CUX1: variants seen among roughly 807,000 people sequenced by gnomAD.
CUX1 encodes cut like homeobox 1.
Under a neutral mutation model 158.8 loss-of-function variants are expected in CUX1, and 31 were observed. The ratio of observed to expected loss-of-function variants is 0.20; its 90% CI spans 0.15 to 0.26. The LOEUF (loss-of-function observed/expected upper bound fraction) is 0.26. Among genes scored for constraint, CUX1 ranks in the 10% least tolerant of loss-of-function variants. The probability of loss-of-function intolerance (pLI) is 1.00; values close to 1 mark genes in which losing one functional copy is unlikely to be tolerated. For missense variants in CUX1, 1,589 were observed against 2,014.6 expected, an observed-to-expected ratio of 0.79 and a Z score of 4.04; for synonymous variants, 879 against 862.1, an observed-to-expected ratio of 1.02 and a Z score of -0.34.
At chr7:102,152,756 C>T (rs1004190949) in intron 8 of CUX1, among the ~76,000 whole-genome samples, 1 of 152,184 alleles carries the variant, frequency 6.6e-6, no homozygotes, top group African/African-American at 2.4e-5. Flanking sequence ...CCCATTGTCT[C>T]CTCCTGTGGT....
At chr7:101,988,998 AAAAAATAAT>A (rs1290632126) in intron 2 of CUX1, among the ~76,000 whole-genome samples, 228 of 146,188 alleles carry the variant, frequency 1.6e-3, no homozygotes, top group African/African-American at 5.0e-3. Context: ...TGTCTCAAAA[AAAAAATAAT>A]AATAATAATA....
intron 1 of CUX1, among the ~76,000 whole-genome samples, chr7:101,846,867 T>C (rs1388277117): frequency 6.6e-6 from 1 of 152,096 alleles, no homozygotes; most frequent in Admixed American, 6.6e-5. Context: ...GTGGAGTGGC[T>C]CATGCTGTAA....
intron 2 of CUX1, among the ~76,000 whole-genome samples, chr7:101,975,199 C>T (rs1437379502): frequency 2.0e-5 from 3 of 151,674 alleles, no homozygotes; most frequent in Non-Finnish European, 4.4e-5. Context: ...TGCAGTGAGT[C>T]GCGATTGTGC....
rs372353538 is a variant in CUX1 at position 102,056,811 on chromosome 7, C to T, written c.190-13528C>T. On this transcript the variant is annotated intron_variant, in intron 3 of 23. Transcript: ENST00000292535. ...GTCTTGAACTCCTGACCTCGTGATC[C>T]GCCTGCCTCAGCCTCCCAAAGTACT... Among the ~76,000 whole-genome samples the T allele has an allele frequency of 2.2e-4, 34 of 152,218 alleles. No individual in the cohort carries two copies. The East Asian group carries it at 2.3e-3, about 10-fold the overall frequency.
At chr7:102,088,379 T>G (rs2130816766) in intron 4 of CUX1, among the ~76,000 whole-genome samples, 1 of 152,202 alleles carries the variant, frequency 6.6e-6, no homozygotes, top group Non-Finnish European at 1.5e-5. Flanking sequence ...ATGCCTGTAA[T>G]CCCAACACTT....
intron 14 of CUX1, among the ~76,000 whole-genome samples, chr7:102,264,288 G>A (rs1554544659): frequency 6.6e-6 from 1 of 152,232 alleles, no homozygotes; most frequent in East Asian, 1.9e-4. Flanking sequence ...TTACAGGCAT[G>A]AGCCATCGCG....
Position 102,254,510 on chromosome 7 carries a change from G to C in CUX1, c.*5468G>C, listed in dbSNP as rs1457917519. The C allele has an allele frequency of 1.0e-6, 1 of 985,404 alleles. No homozygotes were observed. The highest frequency in any genetic ancestry group is 1.7e-5 in the African/African-American group (1 of 57,256). The allele number at this position is 985,404 out of a possible 1,614,324, so 61.0% of individuals were successfully genotyped here. A position where few individuals can be genotyped will look rare whatever the true frequency, so the allele number is the denominator to read the frequency against. ...ATGCCAGTTCCCATCCAGCACCGAAGAAAATCAGCTCCTGGGGCTGGTGGT... is the reference window on the plus strand; with the variant it reads ...ATGCCAGTTCCCATCCAGCACCGAACAAAATCAGCTCCTGGGGCTGGTGGT... On this transcript the variant is annotated 3_prime_UTR_variant, in exon 24 of 24. Transcript: ENST00000292535.
At chr7:102,118,580 G>A (rs1371615162) in intron 8 of CUX1, among the ~76,000 whole-genome samples, 1 of 152,132 alleles carries the variant, frequency 6.6e-6, no homozygotes, top group Admixed American at 6.5e-5. Context: ...GAATTGGAGA[G>A]GCATGAAGGA....
intron 2 of CUX1, among the ~76,000 whole-genome samples, chr7:101,963,441 G>C (rs901178109): frequency 1.3e-5 from 2 of 152,158 alleles, no homozygotes; most frequent in African/African-American, 2.4e-5. Context: ...AGTTCATCCC[G>C]GATCCAGGCC....
intron 5 of CUX1, among the ~76,000 whole-genome samples, chr7:102,103,492 G>A (rs1205556226): frequency 2.0e-5 from 3 of 151,784 alleles, no homozygotes; most frequent in East Asian, 3.9e-4. Flanking sequence ...GTACAGTGGC[G>A]CAATCATAGC....
At chr7:102,144,032 T>C (rs1834756192) in intron 8 of CUX1, among the ~76,000 whole-genome samples, 2 of 151,956 alleles carry the variant, frequency 1.3e-5, no homozygotes, top group African/African-American at 4.8e-5. Flanking sequence ...TCCACCCACC[T>C]CAGCCTCCCA....
intron 3 of CUX1, among the ~76,000 whole-genome samples, chr7:102,034,354 A>C (rs576432582): frequency 2.0e-5 from 3 of 152,196 alleles, no homozygotes; most frequent in Admixed American, 2.0e-4. Context: ...AAAGATTTTG[A>C]TAAAATTTAA....
chr7:102,267,362 T>A (rs1436591126), intron 14 of CUX1, among the ~76,000 whole-genome samples: 1 of 151,882 alleles, frequency 6.6e-6, no homozygotes, highest in African/African-American at 2.4e-5. Context: ...GACGAAACTC[T>A]GTCTCCACTA....
chr7:102,003,563 T>A (rs149505679), intron 2 of CUX1, among the ~76,000 whole-genome samples: 44 of 152,238 alleles, frequency 2.9e-4, no homozygotes, highest in Non-Finnish European at 5.3e-4. Context: ...TCCTGTACCA[T>A]GTATAGAACT....
chr7:102,148,466 C>T (rs1165624745), intron 8 of CUX1, among the ~76,000 whole-genome samples: 1 of 151,922 alleles, frequency 6.6e-6, no homozygotes, highest in Non-Finnish European at 1.5e-5. Context: ...TCACTTGAAC[C>T]CCGAAGGCAG....
chr7:101,816,782 C>T (rs1791855290), upstream of CUX1: 1 of 155,020 alleles, frequency 6.5e-6, no homozygotes, highest in Non-Finnish European at 1.3e-5. Context: ...CGGCGCGGCC[C>T]GGCTCCGGCC....
At chr7:102,012,902 CA>C (rs1818193111) in intron 2 of CUX1, among the ~76,000 whole-genome samples, 1 of 152,050 alleles carries the variant, frequency 6.6e-6, no homozygotes, top group Non-Finnish European at 1.5e-5. Context: ...AGGAATATAT[CA>C]AAAGCAGTCA....
intron 1 of CUX1, among the ~76,000 whole-genome samples, chr7:101,851,363 G>A (rs890091996): frequency 1.3e-5 from 2 of 151,716 alleles, no homozygotes; most frequent in Non-Finnish European, 2.9e-5. Context: ...GCCCAGCTGG[G>A]TCTCCCATTC....
chr7:101,816,271 C>T (rs1219127720), upstream of CUX1, among the ~76,000 whole-genome samples: 2 of 145,360 alleles, frequency 1.4e-5, no homozygotes, highest in Non-Finnish European at 3.1e-5. Context: ...CCCCGGCCCC[C>T]ATTGATCACT....
Sources: gnomAD v4.1 joint callset for allele counts (sites outside exome capture counted in the v4.1 genomes callset) on GRCh38, gnomAD v4.1.1 for gene constraint, MANE v1.5 for transcripts, NCBI Gene and HGNC (gene_info 2026-07-23, HGNC 2026-07-21) for gene names.